REM2: variants seen among roughly 807,000 people sequenced by gnomAD.
REM2 encodes RRAD and GEM like GTPase 2.
Under a neutral mutation model 24.4 loss-of-function variants are expected in REM2, and 24 were observed. The observed-to-expected ratio is 0.98, with a 90% CI of 0.71 to 1.38. The LOEUF (loss-of-function observed/expected upper bound fraction) is 1.38, where lower values mean the gene tolerates loss of function less well. Ranked by LOEUF, REM2 falls within the 40% of genes most tolerant of loss-of-function variation. REM2 has a pLI of 0.00. For synonymous variants in REM2, 187 were observed against 198.0 expected (o/e 0.94, Z 0.47); for missense variants, 429 against 467.8 (o/e 0.92, Z 0.77).
Position 22,886,330 on chromosome 14 carries a change from C to A in REM2, c.727+99C>A. 9.0e-7 allele frequency: 1 copy of A among 1,105,974 alleles called. No individual in the cohort carries two copies. Among genetic ancestry groups the A allele is most frequent in the Non-Finnish European group, 1.3e-6 (1 of 748,424 alleles). The allele number at this position is 1,105,974 out of a possible 1,614,324, so 68.5% of individuals were successfully genotyped here. A position where few individuals can be genotyped will look rare whatever the true frequency, so the allele number is the denominator to read the frequency against. ...TAAGGCCTTTTTACCATCGCGGACGCACTCACTTGCAATCAGACCCAGGCT... is the reference window on the plus strand; with the variant it reads ...TAAGGCCTTTTTACCATCGCGGACGAACTCACTTGCAATCAGACCCAGGCT... On this transcript the variant is annotated intron_variant, in intron 4 of 4. Coordinates refer to ENST00000267396, the MANE Select transcript of REM2 (RefSeq NM_173527.3). The surrounding 1 kb of genome is among the most constrained non-coding windows in gnomAD (Gnocchi z 5.9).
Position 22,886,887 on chromosome 14 carries a change from G to C in REM2, c.1001G>C (p.Cys334Ser). Reference protein sequence around the residue: ...AKFFKQRSRSCHDLSVL With the variant: ...AKFFKQRSRSSHDLSVL ...TTCTTCAAGCAGCGCTCCAGGTCGT[G>C]TCACGACCTCTCGGTGCTCTGAGCC... is the stretch of plus-strand genomic sequence containing the variant. Residue 334 changes from cysteine to serine, a missense_variant, in exon 5 of 5, where the codon TGT becomes TCT. Cys to Ser is a moderately radical substitution (Grantham distance 112). Transcript: ENST00000267396. The surrounding 1 kb of genome is among the most constrained non-coding windows in gnomAD (Gnocchi z 5.9). The C allele has an allele frequency of 6.5e-7, 1 of 1,527,432 alleles. No homozygotes were observed. Among genetic ancestry groups the C allele is most frequent in the Non-Finnish European group, 8.8e-7 (1 of 1,136,584 alleles). 94.6% of individuals were successfully genotyped at this position (1,527,432 alleles called of 1,614,324 possible).
Position 22,886,783 on chromosome 14 carries a change from T to G in REM2, c.897T>G (p.Pro299=). The change falls in exon 5 of 5, where the codon CCT becomes CCG. Residue 299 remains proline (P), a synonymous_variant. Transcript: ENST00000267396. The surrounding 1 kb of genome is among the most constrained non-coding windows in gnomAD (Gnocchi z 5.9). ...QRPDPGSPEG[P]APPARRESLT... ...CCGATCCGGGCAGCCCCGAGGGCCC[T>G]GCGCCACCTGCACGCCGCGAGAGCC... 1 of 1,548,506 alleles carries G rather than the reference T, an allele frequency of 6.5e-7. No homozygotes were observed. Among genetic ancestry groups the G allele is most frequent in the South Asian group, 1.2e-5 (1 of 83,904 alleles).
rs1366321087 is a variant in REM2 at position 22,887,348 on chromosome 14, A to T, written c.*439A>T. ...TTTGTACGCTGCGTGAACATGCCTC[A>T]CCTTTAAGAGAGTCTTAAAGGTAAA... On this transcript the variant is annotated 3_prime_UTR_variant, in exon 5 of 5. Coordinates refer to ENST00000267396, the MANE Select transcript of REM2 (RefSeq NM_173527.3). The T allele has an allele frequency of 6.5e-6, 1 of 154,756 alleles. No individual in the cohort carries two copies. Among genetic ancestry groups the T allele is most frequent in the African/African-American group, 2.4e-5 (1 of 41,516 alleles). The allele number at this position is 154,756 out of a possible 1,614,324, so 9.6% of individuals were successfully genotyped here. A position where few individuals can be genotyped will look rare whatever the true frequency, so the allele number is the denominator to read the frequency against.
At position 22,886,725 on chromosome 14, in the gene REM2, G is replaced by T; in HGVS notation, c.839G>T (p.Arg280Leu). The T allele has an allele frequency of 3.3e-6, 5 of 1,518,502 alleles. No individual in the cohort carries two copies. Among genetic ancestry groups the T allele is most frequent in the Non-Finnish European group, 4.4e-6 (5 of 1,133,396 alleles). The allele number at this position is 1,518,502 out of a possible 1,614,324, so 94.1% of individuals were successfully genotyped here. ...FEGAVRQIRL[R>L]RGRNHAGGQR... ...GGCGCGGTGCGCCAGATCCGGCTGC[G>T]GCGGGGCCGAAACCACGCCGGAGGC... The change falls in exon 5 of 5, where the codon CGG becomes CTG. Residue 280 changes from arginine (R) to leucine (L), a missense_variant. Transcript: ENST00000267396. This position sits in a 1 kb window ranked among gnomAD's most constrained non-coding sequence, Gnocchi z 5.9.
In REM2 at chr14:22,886,578, AG is replaced by A. The variant is rs2040131014; in HGVS notation, c.728-35del. The A allele has an allele frequency of 6.9e-7, 1 of 1,440,600 alleles. No individual in the cohort carries two copies. The highest frequency in any genetic ancestry group is 1.4e-5 in the African/African-American group (1 of 69,372). 89.2% of individuals were successfully genotyped at this position (1,440,600 alleles called of 1,614,324 possible). A position where few individuals can be genotyped will look rare whatever the true frequency, so the allele number is the denominator to read the frequency against. On this transcript the variant is annotated intron_variant, in intron 4 of 4. Transcript: ENST00000267396. This position sits in a 1 kb window ranked among gnomAD's most constrained non-coding sequence, Gnocchi z 5.9. The stretch of plus-strand genomic sequence containing the variant: ...CCCACCCTCGCCCCGGGTCCCGTAC[AG>A]CCCAGCGGGCGCCTGAGCCGGTGCC...
At chr14:22,884,021 C>T in intron 1 of REM2, 1 of 985,134 alleles carries the variant, frequency 1.0e-6, no homozygotes, top group Non-Finnish European at 1.2e-6. Flanking sequence ...TCCAACCACG[C>T]AATGAGGGAT....
chr14:22,886,476 A>G lies in REM2; in HGVS notation c.728-138A>G. ...CGCACCTCCACAGACCCACCATATGAGCTCAGCCATGTTCTCTCGGTTGCA... is the reference window on the plus strand; with the variant it reads ...CGCACCTCCACAGACCCACCATATGGGCTCAGCCATGTTCTCTCGGTTGCA... On this transcript the variant is annotated intron_variant, in intron 4 of 4. Transcript: ENST00000267396. This position sits in a 1 kb window ranked among gnomAD's most constrained non-coding sequence, Gnocchi z 5.9. The G allele has an allele frequency of 1.2e-6, 1 of 833,130 alleles. No individual in the cohort carries two copies. 51.6% of individuals were successfully genotyped at this position (833,130 alleles called of 1,614,324 possible). A position where few individuals can be genotyped will look rare whatever the true frequency, so the allele number is the denominator to read the frequency against.
chr14:22,885,110 C>A, intron 2 of REM2, 95 bp downstream of exon 2: 1 of 1,418,062 alleles, frequency 7.1e-7, no homozygotes, highest in Non-Finnish European at 9.5e-7. Context: ...AAGGACAGAG[C>A]TTAACAGAAG....
rs1289068298 is a variant in REM2 at position 22,887,571 on chromosome 14, CTT to C, written c.*664_*665del. On this transcript the variant is annotated 3_prime_UTR_variant, in exon 5 of 5. Coordinates refer to ENST00000267396, the MANE Select transcript of REM2 (RefSeq NM_173527.3). ...TTATTAAAGGTAAGGGGTGGACAGA[CTT>C]TCTGCATTCAGATAATGAGCAGTGG... The C allele has an allele frequency of 6.6e-6, 1 of 152,234 alleles. No individual in the cohort carries two copies. The highest frequency in any genetic ancestry group is 2.4e-5 in the African/African-American group (1 of 41,454). 9.4% of individuals were successfully genotyped at this position (152,234 alleles called of 1,614,324 possible).
intron 1 of REM2, 134 bp from the exon 2 acceptor site, chr14:22,884,540 C>T: frequency 7.0e-7 from 1 of 1,435,024 alleles, no homozygotes; most frequent in East Asian, 2.6e-5. Context: ...ATTCTCAGTT[C>T]CTTCTGGGTA....
intron 2 of REM2, 51 bp downstream of exon 2, chr14:22,885,066 G>A (rs1566499198): frequency 1.3e-6 from 2 of 1,505,696 alleles, no homozygotes; most frequent in Non-Finnish European, 1.8e-6. Context: ...GCCCTGGTCA[G>A]GGAAGGAAGT....
At position 22,887,216 on chromosome 14, in the gene REM2, G is replaced by C. The variant is rs1295853974; in HGVS notation, c.*307G>C. On this transcript the variant is annotated 3_prime_UTR_variant, in exon 5 of 5. Coordinates refer to ENST00000267396, the MANE Select transcript of REM2 (RefSeq NM_173527.3). ...TCGGGAAGAAAAATAATTCTGCAAG[G>C]TATTTTGTTTTTTATTAATTCGCGC... 3.1e-6 allele frequency: 1 copy of C among 318,646 alleles called. No individual in the cohort carries two copies. Among genetic ancestry groups the C allele is most frequent in the Non-Finnish European group, 5.7e-6 (1 of 175,726 alleles). 19.7% of individuals were successfully genotyped at this position (318,646 alleles called of 1,614,324 possible).
At position 22,884,968 on chromosome 14, in the gene REM2, C is replaced by A. The variant is rs762922775; in HGVS notation, c.398C>A (p.Thr133Asn). 6.4e-7 allele frequency: 1 copy of A among 1,569,462 alleles called. No individual in the cohort carries two copies. Among genetic ancestry groups the A allele is most frequent in the Non-Finnish European group, 8.7e-7 (1 of 1,154,972 alleles). ...GTGGGCAAGAGCACCCTAGCAGGCACTTTTGGTGGTCTCCAGGGAGACAGT... is the reference window on the plus strand; with the variant it reads ...GTGGGCAAGAGCACCCTAGCAGGCAATTTTGGTGGTCTCCAGGGAGACAGT... ...SGVGKSTLAG[T>N]FGGLQGDSAH... Residue 133 changes from threonine to asparagine, a missense_variant, in exon 2 of 5, where the codon ACT becomes AAT. Coordinates refer to ENST00000267396, the MANE Select transcript of REM2 (RefSeq NM_173527.3).
rs754591071 is a variant in REM2, at chr14:22,884,804, G to A, written c.234G>A (p.Arg78=). 14 of 1,613,920 alleles carry A rather than the reference G, an allele frequency of 8.7e-6. No homozygotes were observed. The East Asian group carries it at 2.9e-4, about 33-fold the overall frequency. The change falls in exon 2 of 5, where the codon CGG becomes CGA. Residue 78 remains arginine (R), a synonymous_variant. Transcript: ENST00000267396. ...CTGTCCCCTACAAGCACCAGCTCCGGCGGGCCCAGGCTGTAGATGAACTTG... is the reference window on the plus strand; with the variant it reads ...CTGTCCCCTACAAGCACCAGCTCCGACGGGCCCAGGCTGTAGATGAACTTG... The part of the protein sequence containing the change: ...SMPVPYKHQL[R]RAQAVDELDW...
chr14:22,883,397 GC>G lies in REM2; in HGVS notation c.103+8del. 6.4e-7 allele frequency: 1 copy of G among 1,551,876 alleles called. No homozygotes were observed. Among genetic ancestry groups the G allele is most frequent in the South Asian group, 1.2e-5 (1 of 84,090 alleles). On this transcript the variant is annotated splice_region_variant and intron_variant, in intron 1 of 4. Coordinates refer to ENST00000267396, the MANE Select transcript of REM2 (RefSeq NM_173527.3). ...CCAGGGACGCCCACACCAGGTGAGG[GC>G]TAACCTGGGCAGGTTCCGGCTGAAA...
Position 22,886,407 on chromosome 14 carries a change from C to A in REM2, c.727+176C>A. 1 of 730,844 alleles carries A rather than the reference C, an allele frequency of 1.4e-6. No individual in the cohort carries two copies. Among genetic ancestry groups the A allele is most frequent in the Non-Finnish European group, 2.3e-6 (1 of 439,448 alleles). 45.3% of individuals were successfully genotyped at this position (730,844 alleles called of 1,614,324 possible). ...GAGGATCCTGAGAATCCCTTCTTGTCACTTCCCCTCACCTCTCTCCTAGGC... is the reference window on the plus strand; with the variant it reads ...GAGGATCCTGAGAATCCCTTCTTGTAACTTCCCCTCACCTCTCTCCTAGGC... On this transcript the variant is annotated intron_variant, in intron 4 of 4. Coordinates refer to ENST00000267396, the MANE Select transcript of REM2 (RefSeq NM_173527.3). This position sits in a 1 kb window ranked among gnomAD's most constrained non-coding sequence, Gnocchi z 5.9.
chr14:22,885,686 T>C (rs1445119054), intron 3 of REM2, among the ~76,000 whole-genome samples: 2 of 152,144 alleles, frequency 1.3e-5, no homozygotes, highest in African/African-American at 4.8e-5. Flanking sequence ...ATCTGGAATA[T>C]CAGGGAAGGG....
chr14:22,886,467 C>T lies in REM2; in HGVS notation c.728-147C>T. 1 of 796,386 alleles carries T rather than the reference C, an allele frequency of 1.3e-6. No individual in the cohort carries two copies. Among genetic ancestry groups the T allele is most frequent in the Non-Finnish European group, 1.9e-6 (1 of 514,300 alleles). The allele number at this position is 796,386 out of a possible 1,614,324, so 49.3% of individuals were successfully genotyped here. Reference sequence around the variant, plus strand: ...CCTCTCCTTCGCACCTCCACAGACCCACCATATGAGCTCAGCCATGTTCTC... The same window carrying T: ...CCTCTCCTTCGCACCTCCACAGACCTACCATATGAGCTCAGCCATGTTCTC... On this transcript the variant is annotated intron_variant, in intron 4 of 4. Transcript: ENST00000267396. This position sits in a 1 kb window ranked among gnomAD's most constrained non-coding sequence, Gnocchi z 5.9.
rs2040123941 is a variant in REM2, at chr14:22,886,118, A to G, written c.614A>G (p.Lys205Arg). Residue 205 changes from lysine (K) to arginine (R), a missense_variant, in exon 4 of 5, where the codon AAA becomes AGA. Coordinates refer to ENST00000267396, the MANE Select transcript of REM2 (RefSeq NM_173527.3). The surrounding 1 kb of genome is among the most constrained non-coding windows in gnomAD (Gnocchi z 5.9). ...FSVTDRRSFS[K>R]VPETLLRLRA... The stretch of plus-strand genomic sequence containing the variant: ...GTCACCGACCGACGGAGTTTCTCCA[A>G]AGTTCCAGAGACCCTACTTCGGCTC... The G allele has an allele frequency of 2.5e-6, 4 of 1,613,870 alleles. No homozygotes were observed. Among genetic ancestry groups the G allele is most frequent in the African/African-American group, 1.3e-5 (1 of 74,912 alleles).
Sources: gnomAD v4.1 joint callset for allele counts (sites outside exome capture counted in the v4.1 genomes callset) on GRCh38, gnomAD v4.1.1 for gene constraint, Gnocchi (gnomAD v3.1) non-coding constraint, MANE v1.5 for transcripts, NCBI Gene and HGNC (gene_info 2026-07-23, HGNC 2026-07-21) for gene names.